DPP10: variants seen among roughly 807,000 people sequenced by gnomAD.
DPP10 encodes dipeptidyl peptidase like 10.
In DPP10, 33 loss-of-function variants were observed where a neutral mutation model predicts 120.9. That is an observed-to-expected ratio of 0.27 (90% CI 0.21 to 0.37). DPP10 has a LOEUF of 0.37. DPP10 is among the 10% of genes least tolerant of loss of function. The pLI is 1.00. For missense variants in DPP10, 816 were observed against 942.8 expected (o/e 0.87, Z 1.76); for synonymous variants, 337 against 326.1 (o/e 1.03, Z -0.36).
At chr2:115,542,347 T>C (rs1488458341) in intron 5 of DPP10, among the ~76,000 whole-genome samples, 1 of 151,994 alleles carries the variant, frequency 6.6e-6, no homozygotes, top group Non-Finnish European at 1.5e-5. Context: ...TTTTTGAAAT[T>C]GGCTTATTTT....
intron 5 of DPP10, among the ~76,000 whole-genome samples, chr2:115,679,269 C>T (rs919343615): frequency 6.6e-6 from 1 of 152,062 alleles, no homozygotes; most frequent in Non-Finnish European, 1.5e-5. Context: ...TTGTAGTTCC[C>T]ATAATCCCTA....
intron 1 of DPP10, among the ~76,000 whole-genome samples, chr2:114,558,780 A>C (rs1688523585): frequency 6.6e-6 from 1 of 152,174 alleles, no homozygotes; most frequent in African/African-American, 2.4e-5. Context: ...TCTTCAACAC[A>C]TTCTCCTCCC....
intron 1 of DPP10, among the ~76,000 whole-genome samples, chr2:114,884,809 C>T: frequency 6.6e-6 from 1 of 152,152 alleles, no homozygotes; most frequent in East Asian, 1.9e-4. Flanking sequence ...TGAGAACATA[C>T]AATGATTGGT....
At chr2:115,506,306 T>A (rs2148817136) in intron 4 of DPP10, among the ~76,000 whole-genome samples, 1 of 152,228 alleles carries the variant, frequency 6.6e-6, no homozygotes, top group South Asian at 2.1e-4. Flanking sequence ...GAAGTTCAAT[T>A]TTTGGTAAAC....
chr2:115,535,553 T>G (rs939017070), intron 5 of DPP10, among the ~76,000 whole-genome samples: 1 of 151,008 alleles, frequency 6.6e-6, no homozygotes, highest in Admixed American at 6.6e-5. Flanking sequence ...GTGTGATGCC[T>G]CCAGCTTTGT....
At chr2:115,136,937 T>A (rs1420764772) in intron 1 of DPP10, among the ~76,000 whole-genome samples, 1 of 152,214 alleles carries the variant, frequency 6.6e-6, no homozygotes, top group Non-Finnish European at 1.5e-5. Flanking sequence ...ACTACATTAG[T>A]TCTCCTTCCC....
chr2:115,764,179 G>A (rs934599712), intron 12 of DPP10, among the ~76,000 whole-genome samples: 1 of 149,612 alleles, frequency 6.7e-6, no homozygotes, highest in Non-Finnish European at 1.5e-5. Context: ...ACTTCTAATT[G>A]TAAACCAAAC....
chr2:115,343,496 T>C (rs1054513620), intron 2 of DPP10, among the ~76,000 whole-genome samples: 4 of 152,140 alleles, frequency 2.6e-5, no homozygotes, highest in African/African-American at 9.7e-5. Context: ...GAATTATAGT[T>C]AAATGGTAGA....
intron 3 of DPP10, among the ~76,000 whole-genome samples, chr2:115,424,793 C>A (rs904957830): frequency 1.3e-5 from 2 of 152,114 alleles, no homozygotes; most frequent in African/African-American, 4.8e-5. Flanking sequence ...ACCTTTACTT[C>A]ATTGGTACCA....
At chr2:114,943,930 T>C (rs1697161725) in intron 1 of DPP10, among the ~76,000 whole-genome samples, 1 of 152,216 alleles carries the variant, frequency 6.6e-6, no homozygotes, top group South Asian at 2.1e-4. Flanking sequence ...TCTTAGGTTG[T>C]TATTATCCGA....
intron 1 of DPP10, among the ~76,000 whole-genome samples, chr2:114,846,191 T>C (rs1000220903): frequency 6.6e-6 from 1 of 152,152 alleles, no homozygotes; most frequent in Non-Finnish European, 1.5e-5. Context: ...AAAACTGTTA[T>C]AGTATATGTG....
At chr2:115,463,316 T>G (rs2074106235) in intron 3 of DPP10, among the ~76,000 whole-genome samples, 1 of 152,202 alleles carries the variant, frequency 6.6e-6, no homozygotes, top group African/African-American at 2.4e-5. Context: ...CTTGACAAGT[T>G]ACTGACTACT....
At chr2:114,627,364 G>T (rs1271706527) in intron 1 of DPP10, among the ~76,000 whole-genome samples, 1 of 152,114 alleles carries the variant, frequency 6.6e-6, no homozygotes, top group Non-Finnish European at 1.5e-5. Context: ...AGAAAATGCT[G>T]CTTTTATCTT....
intron 1 of DPP10, among the ~76,000 whole-genome samples, chr2:114,984,303 C>A (rs532473446): frequency 3.3e-5 from 5 of 152,048 alleles, no homozygotes; most frequent in South Asian, 2.1e-4. Context: ...GAATATGAAC[C>A]CTGGTTTGCA....
At chr2:114,534,380 C>A (rs1296433790) in intron 1 of DPP10, among the ~76,000 whole-genome samples, 2 of 151,284 alleles carry the variant, frequency 1.3e-5, no homozygotes, top group Non-Finnish European at 2.9e-5. Context: ...ATCCAGTAAA[C>A]CTAGGTACCT....
chr2:115,793,829 T>C (rs1249634322), intron 19 of DPP10, among the ~76,000 whole-genome samples: 1 of 152,048 alleles, frequency 6.6e-6, no homozygotes, highest in Non-Finnish European at 1.5e-5. Context: ...CGTCACAGAA[T>C]GTGACTTACA....
intron 1 of DPP10, among the ~76,000 whole-genome samples, chr2:114,639,325 G>T (rs531817730): frequency 6.6e-6 from 1 of 151,996 alleles, no homozygotes; most frequent in African/African-American, 2.4e-5. Flanking sequence ...GGAAAGATCT[G>T]TCCCCATGAT....
chr2:115,066,750 C>A (rs935034693), intron 1 of DPP10: 1 of 152,096 alleles, frequency 6.6e-6, no homozygotes, highest in Non-Finnish European at 1.5e-5. Context: ...TAGAATAATT[C>A]TCTCCTTTTT....
intron 1 of DPP10, among the ~76,000 whole-genome samples, chr2:114,902,410 CTG>C (rs1274945159): frequency 6.6e-6 from 1 of 152,152 alleles, no homozygotes; most frequent in African/African-American, 2.4e-5. Context: ...TTTCTGGACT[CTG>C]TGATCGTTCA....
Sources: gnomAD v4.1 joint callset for allele counts (sites outside exome capture counted in the v4.1 genomes callset) on GRCh38, gnomAD v4.1.1 for gene constraint, MANE v1.5 for transcripts, NCBI Gene and HGNC (gene_info 2026-07-23, HGNC 2026-07-21) for gene names.